The following ZCCHC14 variants were observed in gnomAD, a reference collection of about 807,000 sequenced individuals.
ZCCHC14 encodes the protein zinc finger CCHC domain-containing protein 14.
ZCCHC14 carries 16 observed loss-of-function variants against 85.0 expected under a neutral mutation model. The observed-to-expected ratio is 0.19, with a 90% CI of 0.13 to 0.29. The LOEUF (loss-of-function observed/expected upper bound fraction) is 0.29. ZCCHC14 is among the 10% of genes least tolerant of loss of function. ZCCHC14 has a pLI of 1.00. For synonymous variants in ZCCHC14, 775 were observed against 630.7 expected, an observed-to-expected ratio of 1.23 and a Z score of -3.43; for missense variants, 1,303 against 1,443.5, an observed-to-expected ratio of 0.90 and a Z score of 1.58.
At position 87,433,140 on chromosome 16, in the gene ZCCHC14, T is replaced by C. The variant is rs759800265; in HGVS notation, c.756A>G (p.Glu252=). Residue 252 remains glutamate, a synonymous_variant, in exon 3 of 13, where the codon GAA becomes GAG. Coordinates refer to ENST00000671377, the MANE Select transcript of ZCCHC14 (RefSeq NM_015144.3). The part of the protein sequence containing the change: ...LSHTKNDRNV[E]CSFEVLWSDS... ...CTTAGCATCTTACCTCAAAGGAACA[T>C]TCAACATTTCTGTCATTTTTTGTGT... The C allele has an allele frequency of 5.6e-6, 9 of 1,614,086 alleles. No individual in the cohort carries two copies. The East Asian group carries it at 2.0e-4, about 36-fold the overall frequency.
intron 1 of ZCCHC14, among the ~76,000 whole-genome samples, chr16:87,485,524 G>C (rs570395906): frequency 1.1e-3 from 165 of 149,542 alleles, no homozygotes; most frequent in African/African-American, 3.9e-3. Flanking sequence ...ACCCTAATTA[G>C]GTAACTTGCA....
Position 87,420,701 on chromosome 16 carries a change from G to T in ZCCHC14, c.856C>A (p.Pro286Thr), listed in dbSNP as rs770208583. ...ATGAGTTTCTCCAAGTTCTCTTCAG[G>T]ATAGAGCTGACATAGCTGGAAGAGA... ...EFISKLCQLY[P>T]EENLEKLIPC... The change falls in exon 5 of 13, where the codon CCT becomes ACT. Residue 286 changes from proline to threonine, a missense_variant. Physicochemically the swap from Pro to Thr is conservative, Grantham distance 38. This residue lies in a region of ZCCHC14 where 389 missense variants were observed against 397.8 expected (regional missense o/e 0.98). Coordinates refer to ENST00000671377, the MANE Select transcript of ZCCHC14 (RefSeq NM_015144.3). This position sits in a 1 kb window ranked among gnomAD's most constrained non-coding sequence, Gnocchi z 5.0. 1 of 1,613,046 alleles carries T rather than the reference G, an allele frequency of 6.2e-7. No homozygotes were observed. Among genetic ancestry groups the T allele is most frequent in the Admixed American group, 1.7e-5 (1 of 59,910 alleles).
At chr16:87,419,941 A>C (rs1360747028) in intron 5 of ZCCHC14, 64 bp from the exon 6 acceptor site, 99 of 1,417,466 alleles carry the variant, frequency 7.0e-5, no homozygotes, top group Non-Finnish European at 9.0e-5. Context: ...AATTGAAAGA[A>C]AAAAATTTAA....
At chr16:87,452,662 T>A (rs1417068486) in intron 2 of ZCCHC14, among the ~76,000 whole-genome samples, 1 of 151,772 alleles carries the variant, frequency 6.6e-6, no homozygotes, top group Non-Finnish European at 1.5e-5. Context: ...TTTCACAATT[T>A]AAAAAAAACA....
chr16:87,433,712 G>A (rs1193810446), intron 2 of ZCCHC14, among the ~76,000 whole-genome samples: 1 of 151,860 alleles, frequency 6.6e-6, no homozygotes, highest in African/African-American at 2.4e-5. Flanking sequence ...TGTCTCGGCG[G>A]CTCACTGCAA....
rs188953332 is a variant in ZCCHC14, at chr16:87,462,944, T to C, written c.571-2813A>G. Among the ~76,000 whole-genome samples, 9 of 152,078 alleles carry C rather than the reference T, an allele frequency of 5.9e-5. No individual in the cohort carries two copies. In the East Asian group the frequency reaches 1.7e-3, roughly 29 times the overall value. ...TTAGCCAGGCATGGTGGCGCACGCC[T>C]CTAATCTCAGCTACTGGGGAGGCTG... On this transcript the variant is annotated intron_variant, in intron 1 of 12. Transcript: ENST00000671377.
At chr16:87,427,300 T>C (rs997072397) in intron 3 of ZCCHC14, among the ~76,000 whole-genome samples, 16 of 152,230 alleles carry the variant, frequency 1.1e-4, no homozygotes, top group African/African-American at 3.9e-4. Context: ...GCTGTGCAGG[T>C]GTACACGTGA....
At chr16:87,428,169 A>G (rs1266061271) in intron 3 of ZCCHC14, among the ~76,000 whole-genome samples, 1 of 152,228 alleles carries the variant, frequency 6.6e-6, no homozygotes, top group Non-Finnish European at 1.5e-5. Flanking sequence ...AAAAGCTTGA[A>G]GTCATCTTAA....
intron 1 of ZCCHC14, among the ~76,000 whole-genome samples, chr16:87,466,702 A>G (rs954733488): frequency 6.6e-6 from 1 of 152,182 alleles, no homozygotes. Flanking sequence ...CTGTGCAATC[A>G]AAGTATCTGT....
chr16:87,466,388 G>T (rs1287831658), intron 1 of ZCCHC14, among the ~76,000 whole-genome samples: 1 of 152,200 alleles, frequency 6.6e-6, no homozygotes, highest in Admixed American at 6.5e-5. Context: ...CAGAAGACTC[G>T]CTGCACCCCA....
At chr16:87,481,565 GA>G (rs1394814850) in intron 1 of ZCCHC14, among the ~76,000 whole-genome samples, 18 of 116,174 alleles carry the variant, frequency 1.5e-4, no homozygotes, top group South Asian at 3.9e-4. Flanking sequence ...GGGTAAGCGG[GA>G]GGGGAAAGGA....
intron 2 of ZCCHC14, among the ~76,000 whole-genome samples, chr16:87,444,044 A>G (rs894345009): frequency 6.9e-6 from 1 of 145,438 alleles, no homozygotes; most frequent in African/African-American, 2.5e-5. Flanking sequence ...CACAGAAAAA[A>G]AAAAAAAAAA....
intron 2 of ZCCHC14, among the ~76,000 whole-genome samples, chr16:87,446,721 G>A (rs899283242): frequency 1.5e-4 from 23 of 151,662 alleles, no homozygotes; most frequent in African/African-American, 5.3e-4. Flanking sequence ...ATAGAGTTTC[G>A]CTCTGCCACC....
chr16:87,488,007 G>A (rs561432354), intron 1 of ZCCHC14, among the ~76,000 whole-genome samples: 1 of 152,292 alleles, frequency 6.6e-6, no homozygotes, highest in African/African-American at 2.4e-5. Flanking sequence ...ATAGGCACTG[G>A]GTTTCTTTTT....
intron 3 of ZCCHC14, 91 bp downstream of exon 3, chr16:87,433,037 A>G (rs1909740444): frequency 2.3e-6 from 3 of 1,330,416 alleles, no homozygotes; most frequent in Non-Finnish European, 3.1e-6. Flanking sequence ...TGCACAAGGC[A>G]CAGCCTTAGC....
intron 1 of ZCCHC14, among the ~76,000 whole-genome samples, chr16:87,462,343 C>T (rs912536823): frequency 4.6e-5 from 7 of 152,100 alleles, no homozygotes; most frequent in African/African-American, 9.7e-5. Context: ...ATAATAGAAC[C>T]GATACAAGTA....
chr16:87,481,878 G>C (rs1448506709), intron 1 of ZCCHC14, among the ~76,000 whole-genome samples: 6 of 152,248 alleles, frequency 3.9e-5, no homozygotes, highest in Admixed American at 1.3e-4. Flanking sequence ...TACAGTTCTG[G>C]AGGCTGCAAA....
At chr16:87,441,840 G>T (rs759936418) in intron 2 of ZCCHC14, among the ~76,000 whole-genome samples, 16 of 152,314 alleles carry the variant, frequency 1.1e-4, no homozygotes, top group Non-Finnish European at 1.9e-4. Context: ...GTAGTGTTGG[G>T]GGACTCTGGT....
chr16:87,427,350 C>T (rs1215156091), intron 3 of ZCCHC14, among the ~76,000 whole-genome samples: 1 of 152,218 alleles, frequency 6.6e-6, no homozygotes, highest in African/African-American at 2.4e-5. Context: ...TGCCAGGACT[C>T]CTTCTTTGCT....
Sources: gnomAD v4.1 joint callset for allele counts (sites outside exome capture counted in the v4.1 genomes callset) on GRCh38, gnomAD v4.1.1 for gene constraint, gnomAD v4.1.1 regional missense constraint, Gnocchi (gnomAD v3.1) non-coding constraint, MANE v1.5 for transcripts, NCBI Gene and HGNC (gene_info 2026-07-23, HGNC 2026-07-21) for gene names.